Variants in RBFOX1 observed in about 807,000 individuals in gnomAD.
RBFOX1 encodes RNA binding fox-1 homolog 1.
RBFOX1 carries 8 observed loss-of-function variants against 57.7 expected under a neutral mutation model. That is an observed-to-expected ratio of 0.14 (90% CI 0.08 to 0.25). The LOEUF (loss-of-function observed/expected upper bound fraction) is 0.25. Ranked by LOEUF, RBFOX1 falls within the 10% of genes least tolerant of loss-of-function variation. The pLI, the probability that RBFOX1 is intolerant of heterozygous loss-of-function variation, is 1.00. For missense variants in RBFOX1, 611 were observed against 548.5 expected (o/e 1.11, Z -1.14); for synonymous variants, 326 against 222.4 (o/e 1.47, Z -4.15).
intron 3 of RBFOX1, among the ~76,000 whole-genome samples, chr16:6,883,901 G>C (rs1603636355): frequency 6.6e-6 from 1 of 152,118 alleles, no homozygotes; most frequent in Admixed American, 6.5e-5. Context: ...TGAGACTTAA[G>C]TTAGAGGGGA....
chr16:7,569,841 G>A (rs893740150), intron 5 of RBFOX1, among the ~76,000 whole-genome samples: 2 of 126,432 alleles, frequency 1.6e-5, no homozygotes, highest in East Asian at 5.0e-4. Context: ...CTTGGGAATG[G>A]GAGTGAGCGC....
intron 3 of RBFOX1, among the ~76,000 whole-genome samples, chr16:6,834,232 C>T (rs980367076): frequency 1.3e-5 from 2 of 151,922 alleles, no homozygotes; most frequent in Non-Finnish European, 2.9e-5. Flanking sequence ...CGCTAGCACG[C>T]CCCATTAGTT....
At chr16:7,306,962 A>G (rs972182637) in intron 4 of RBFOX1, among the ~76,000 whole-genome samples, 19 of 152,176 alleles carry the variant, frequency 1.2e-4, no homozygotes, top group Non-Finnish European at 5.9e-5. Context: ...AATTTTGGTG[A>G]ACAGAAGGGT....
intron 3 of RBFOX1, among the ~76,000 whole-genome samples, chr16:7,028,965 A>T (rs577097634): frequency 6.7e-6 from 1 of 148,592 alleles, no homozygotes; most frequent in African/African-American, 2.5e-5. Context: ...AGCAGCAAGC[A>T]TGCTGTTTGG....
intron 3 of RBFOX1, among the ~76,000 whole-genome samples, chr16:6,717,585 T>TG (rs915106904): frequency 1.4e-5 from 2 of 144,536 alleles, no homozygotes; most frequent in African/African-American, 5.0e-5. Context: ...GCTGAAGTCT[T>TG]TTTTTTTTTT....
At chr16:7,263,361 C>CTCAGGAATCA (rs2094997686) in intron 4 of RBFOX1, among the ~76,000 whole-genome samples, 1 of 152,098 alleles carries the variant, frequency 6.6e-6, no homozygotes, top group Admixed American at 6.5e-5. Flanking sequence ...TTTCGATGTT[C>CTCAGGAATCA]TCAGGAATCA....
At chr16:5,450,016 A>C (rs7190196) in intron 1 of RBFOX1, among the ~76,000 whole-genome samples, 635 of 152,316 alleles carry the variant, frequency 4.2e-3, no homozygotes, top group Non-Finnish European at 7.3e-3. Context: ...TCATTTGCTG[A>C]GATCTATTTG....
chr16:7,407,533 T>C (rs2098366292), intron 4 of RBFOX1, among the ~76,000 whole-genome samples: 1 of 152,062 alleles, frequency 6.6e-6, no homozygotes, highest in African/African-American at 2.4e-5. Flanking sequence ...TGTTGCCTGG[T>C]AAGTGGGGTG....
intron 3 of RBFOX1, among the ~76,000 whole-genome samples, chr16:7,023,737 T>C (rs8059658): frequency 0.05 from 7,619 of 152,112 alleles, 662 homozygotes; most frequent in African/African-American, 0.17. Context: ...GAAACAGGTA[T>C]CACTTATCAA....
intron 1 of RBFOX1, among the ~76,000 whole-genome samples, chr16:6,149,401 C>T (rs527401236): frequency 5.3e-5 from 8 of 152,344 alleles, no homozygotes; most frequent in Non-Finnish European, 8.8e-5. Flanking sequence ...TCATTGCAGA[C>T]GCACAGGTTT....
intron 3 of RBFOX1, among the ~76,000 whole-genome samples, chr16:6,796,859 C>T (rs12921517): frequency 0.53 from 80,779 of 152,038 alleles, 21,710 homozygotes; most frequent in African/African-American, 0.55. Flanking sequence ...CAATAAGTTG[C>T]ATGATGACTG....
intron 4 of RBFOX1, among the ~76,000 whole-genome samples, chr16:7,297,810 A>G (rs1416450382): frequency 3.9e-5 from 6 of 152,182 alleles, no homozygotes. Context: ...TACAGAGTAA[A>G]AATTGAAATC....
At chr16:6,896,864 A>C (rs951765901) in intron 3 of RBFOX1, among the ~76,000 whole-genome samples, 4 of 152,174 alleles carry the variant, frequency 2.6e-5, no homozygotes, top group Non-Finnish European at 2.9e-5. Context: ...TCAGTGGAAG[A>C]GTGGTGAGAA....
chr16:5,957,590 AG>A (rs1348837328), intron 4 of RBFOX1, among the ~76,000 whole-genome samples: 2 of 152,224 alleles, frequency 1.3e-5, no homozygotes, highest in African/African-American at 2.4e-5. Flanking sequence ...ATGTGGAAGC[AG>A]GAGTCTCTCA....
chr16:6,878,986 G>T (rs1192843881), intron 3 of RBFOX1, among the ~76,000 whole-genome samples: 2 of 152,104 alleles, frequency 1.3e-5, no homozygotes, highest in East Asian at 3.9e-4. Context: ...ACTTGTATAA[G>T]GTCATGCAAA....
chr16:7,350,029 T>A (rs1353625916), intron 4 of RBFOX1, among the ~76,000 whole-genome samples: 6 of 152,126 alleles, frequency 3.9e-5, no homozygotes, highest in Non-Finnish European at 7.4e-5. Flanking sequence ...TGCCTGTAGT[T>A]TCAGTTCCTT....
intron 1 of RBFOX1, among the ~76,000 whole-genome samples, chr16:6,246,090 T>G (rs1211974748): frequency 6.6e-6 from 1 of 152,102 alleles, no homozygotes; most frequent in Non-Finnish European, 1.5e-5. Flanking sequence ...TTTACAGTAG[T>G]TTTAACAAAA....
At chr16:7,690,174 C>G (rs368974290) in intron 14 of RBFOX1, among the ~76,000 whole-genome samples, 1 of 152,082 alleles carries the variant, frequency 6.6e-6, no homozygotes, top group African/African-American at 2.4e-5. Flanking sequence ...TTTCCAGGCC[C>G]TACCCCAGAT....
chr16:6,085,499 G>T (rs1030276175), intron 1 of RBFOX1, among the ~76,000 whole-genome samples: 1 of 152,150 alleles, frequency 6.6e-6, no homozygotes, highest in Non-Finnish European at 1.5e-5. Flanking sequence ...TCGAACTCCC[G>T]ACTTCAGGTG....
Sources: gnomAD v4.1 joint callset for allele counts (sites outside exome capture counted in the v4.1 genomes callset) on GRCh38, gnomAD v4.1.1 for gene constraint, MANE v1.5 for transcripts, NCBI Gene and HGNC (gene_info 2026-07-23, HGNC 2026-07-21) for gene names.